The following CASK variants were observed in gnomAD, a reference collection of about 807,000 sequenced individuals.
CASK encodes the protein peripheral plasma membrane protein CASK.
Under a neutral mutation model 82.9 loss-of-function variants are expected in CASK, and 4 were observed. That is an observed-to-expected ratio of 0.05 (90% CI 0.02 to 0.11). The LOEUF is 0.11. Among genes scored for constraint, CASK ranks in the 10% least tolerant of loss-of-function variants. The probability of loss-of-function intolerance (pLI) is 1.00; values close to 1 mark genes in which losing one functional copy is unlikely to be tolerated. For synonymous variants in CASK, 259 were observed against 253.5 expected, an observed-to-expected ratio of 1.02 and a Z score of -0.20; for missense variants, 358 against 720.9, an observed-to-expected ratio of 0.50 and a Z score of 5.76.
At chrX:41,647,334 A>G (rs2066776401) in intron 8 of CASK, among the ~76,000 whole-genome samples, 1 of 112,325 alleles carries the variant, frequency 8.9e-6, no homozygotes, top group African/African-American at 3.2e-5. Context: ...AAGATAATTT[A>G]TCATTAGACA....
At chrX:41,525,565 C>T (rs936687415) in intron 25 of CASK, among the ~76,000 whole-genome samples, 6 of 111,457 alleles carry the variant, frequency 5.4e-5, no homozygotes, top group African/African-American at 2.0e-4. Context: ...CAGGGACTAG[C>T]GGGTACCCTC....
intron 2 of CASK, among the ~76,000 whole-genome samples, chrX:41,834,107 C>T (rs190200570): frequency 2.7e-5 from 3 of 112,139 alleles, no homozygotes; most frequent in Admixed American, 1.9e-4. Flanking sequence ...TTGTTGAAAG[C>T]AAAGCAAGAA....
chrX:41,868,012 T>C (rs2071622391), intron 1 of CASK, among the ~76,000 whole-genome samples: 1 of 112,338 alleles, frequency 8.9e-6, no homozygotes, highest in Admixed American at 9.4e-5. Flanking sequence ...GTTAGAGGTA[T>C]ATAAACTCAA....
At chrX:41,753,353 T>A (rs1264664796) in intron 3 of CASK, among the ~76,000 whole-genome samples, 14 of 111,217 alleles carry the variant, frequency 1.3e-4, no homozygotes, top group African/African-American at 3.9e-4. Flanking sequence ...TACAAAGTAG[T>A]TTGTATCCAT....
chrX:41,795,643 G>A (rs1298943017), intron 2 of CASK, among the ~76,000 whole-genome samples: 3 of 110,583 alleles, frequency 2.7e-5, no homozygotes, highest in African/African-American at 9.9e-5. Flanking sequence ...TCCAGCCTGG[G>A]AGACAGAGTG....
chrX:41,890,449 A>C (rs1216584683), intron 1 of CASK, among the ~76,000 whole-genome samples: 3 of 111,668 alleles, frequency 2.7e-5, no homozygotes, highest in African/African-American at 9.8e-5. Context: ...TTGAAGGTGG[A>C]AAATCTATTT....
chrX:41,665,700 C>T, intron 6 of CASK: 1 of 410,063 alleles, frequency 2.4e-6, no homozygotes, highest in Non-Finnish European at 4.2e-6. Flanking sequence ...CTATTGAATT[C>T]TGCATGCTAC....
At chrX:41,710,513 T>C (rs1019925390) in intron 5 of CASK, among the ~76,000 whole-genome samples, 13 of 112,107 alleles carry the variant, frequency 1.2e-4, no homozygotes, top group African/African-American at 3.9e-4. Context: ...CAAGCTTATA[T>C]GAAAAGCCAA....
chrX:41,793,001 G>A (rs771420324), intron 2 of CASK, among the ~76,000 whole-genome samples: 12 of 111,488 alleles, frequency 1.1e-4, no homozygotes, highest in Non-Finnish European at 2.1e-4. Context: ...TATAATGTCA[G>A]TCATTCCAAA....
At chrX:41,919,807 A>AAACG (rs2072753880) in intron 1 of CASK, among the ~76,000 whole-genome samples, 1 of 112,539 alleles carries the variant, frequency 8.9e-6, no homozygotes, top group Admixed American at 9.4e-5. Context: ...TTAAAAAGGG[A>AAACG]AACGGCATCC....
chrX:41,680,285 C>T (rs1255348906), intron 5 of CASK, among the ~76,000 whole-genome samples: 1 of 108,890 alleles, frequency 9.2e-6, no homozygotes, highest in African/African-American at 3.4e-5. Context: ...AGATTGAGAC[C>T]ATCCTGGCCA....
chrX:41,595,516 G>C (rs1161724181), intron 12 of CASK, among the ~76,000 whole-genome samples: 1 of 111,833 alleles, frequency 8.9e-6, no homozygotes, highest in African/African-American at 3.3e-5. Flanking sequence ...GAGGTAGGAG[G>C]GTTCCCTGAG....
In CASK at chrX:41,516,205, C is replaced by T. The variant is rs1040182428; in HGVS notation, c.*4215G>A. On this transcript the variant is annotated 3_prime_UTR_variant, in exon 27 of 27. Coordinates refer to ENST00000378163, the MANE Select transcript of CASK (RefSeq NM_001367721.1). Reference sequence around the variant, plus strand: ...ATGGGAACATGGTGGTGAATATCCTCTTTTTTTCCCTTTTCCCCCACTTCC... The same window carrying T: ...ATGGGAACATGGTGGTGAATATCCTTTTTTTTTCCCTTTTCCCCCACTTCC... The T allele has an allele frequency of 3.6e-5, 4 of 112,257 alleles. No individual in the cohort carries two copies. Among genetic ancestry groups the T allele is most frequent in the Non-Finnish European group, 7.5e-5 (4 of 53,257 alleles). The allele number at this position is 112,257 out of a possible 1,213,427, so 9.3% of individuals were successfully genotyped here.
intron 22 of CASK, among the ~76,000 whole-genome samples, chrX:41,538,133 G>A (rs1410947482): frequency 2.7e-5 from 3 of 110,961 alleles, no homozygotes; most frequent in Middle Eastern, 4.2e-3. Context: ...GGCATGAGCC[G>A]CTGCGCACAG....
chrX:41,597,605 T>C (rs926554940), intron 12 of CASK, among the ~76,000 whole-genome samples: 2 of 112,122 alleles, frequency 1.8e-5, no homozygotes, highest in Non-Finnish European at 3.8e-5. Context: ...CGTGGGTAAA[T>C]AGGAACAAAG....
chrX:41,895,784 C>T lies in CASK; in HGVS notation c.59+27146G>A, dbSNP rs748485601. 4.5e-5 allele frequency among the ~76,000 whole-genome samples: 5 copies of T among 111,828 alleles called. No homozygotes were observed. The East Asian group carries it at 1.4e-3, about 31-fold the overall frequency. On this transcript the variant is annotated intron_variant, in intron 1 of 26. Transcript: ENST00000378163. ...CTAAATTGAGGCAAGTAAGCCAGTT[C>T]ACTCCTGAGTGCCCTGGAAGAACAG...
intron 5 of CASK, among the ~76,000 whole-genome samples, chrX:41,718,676 A>G (rs1367317254): frequency 9.0e-6 from 1 of 111,703 alleles, no homozygotes; most frequent in Non-Finnish European, 1.9e-5. Context: ...TCTTTTTTCT[A>G]CCCTCAATTG....
At chrX:41,755,876 A>G (rs1003909697) in intron 3 of CASK, among the ~76,000 whole-genome samples, 2 of 112,100 alleles carry the variant, frequency 1.8e-5, no homozygotes, top group Non-Finnish European at 3.8e-5. Context: ...TTTTTTTAAG[A>G]GAAATTAAAC....
chrX:41,588,849 A>G (rs2065700508), intron 13 of CASK, among the ~76,000 whole-genome samples: 1 of 111,530 alleles, frequency 9.0e-6, no homozygotes. Flanking sequence ...ATATTTGTAA[A>G]GATCAAGTAG....
Sources: allele counts gnomAD v4.1 joint callset (sites outside exome capture counted in the v4.1 genomes callset), GRCh38; gene constraint gnomAD v4.1.1; transcripts MANE v1.5; gene names NCBI Gene and HGNC (gene_info 2026-07-23, HGNC 2026-07-21).